GPHN: variants seen among roughly 807,000 people sequenced by gnomAD.
GPHN encodes the protein gephyrin.
GPHN carries 17 observed loss-of-function variants against 95.5 expected under a neutral mutation model. The observed-to-expected ratio is 0.18, with a 90% CI of 0.12 to 0.27. The LOEUF (loss-of-function observed/expected upper bound fraction) is 0.27. GPHN is among the 10% of genes least tolerant of loss of function. The probability of loss-of-function intolerance (pLI) is 1.00; values close to 1 mark genes in which losing one functional copy is unlikely to be tolerated. For missense variants in GPHN, 660 were observed against 978.1 expected (o/e 0.67, Z 4.34); for synonymous variants, 320 against 322.5 (o/e 0.99, Z 0.08).
intron 8 of GPHN, among the ~76,000 whole-genome samples, chr14:66,960,290 TTTC>T (rs2068806184): frequency 2.6e-5 from 4 of 151,478 alleles, no homozygotes; most frequent in African/African-American, 9.7e-5. Flanking sequence ...TCTTTTTTTT[TTTC>T]CCTGTGTACA....
chr14:67,087,878 T>C (rs1246481286), intron 11 of GPHN, among the ~76,000 whole-genome samples: 4 of 152,212 alleles, frequency 2.6e-5, no homozygotes, highest in African/African-American at 7.2e-5. Context: ...TTCCTCTTTT[T>C]TTAACCTCAT....
chr14:67,393,096 G>T, the GPHN span: 1 of 1,317,444 alleles, frequency 7.6e-7, no homozygotes, highest in Non-Finnish European at 1.1e-6. Flanking sequence ...GCTGAGCCCT[G>T]CATCACCATG....
chr14:67,720,226 T>C, the GPHN span, among the ~76,000 whole-genome samples: 1 of 152,258 alleles, frequency 6.6e-6, no homozygotes, highest in Non-Finnish European at 1.5e-5. Flanking sequence ...GCTATTTCAA[T>C]TGGGTTGTTA....
chr14:67,523,665 T>C, the GPHN span, among the ~76,000 whole-genome samples: 29 of 152,246 alleles, frequency 1.9e-4, no homozygotes, highest in African/African-American at 7.0e-4. Flanking sequence ...GTCTTATTTG[T>C]AGGTTAAACT....
chr14:67,297,090 A>G, the GPHN span, among the ~76,000 whole-genome samples: 1 of 152,250 alleles, frequency 6.6e-6, no homozygotes, highest in Non-Finnish European at 1.5e-5. Flanking sequence ...ATGTGTGACA[A>G]AGCACTTTGG....
At chr14:67,042,890 G>A (rs1342830552) in intron 10 of GPHN, among the ~76,000 whole-genome samples, 1 of 152,076 alleles carries the variant, frequency 6.6e-6, no homozygotes, top group Admixed American at 6.6e-5. Context: ...ATATGTTTGT[G>A]TCCTCTTTTA....
the GPHN span, among the ~76,000 whole-genome samples, chr14:67,502,492 G>A: frequency 1.9e-4 from 24 of 125,386 alleles, no homozygotes; most frequent in African/African-American, 7.0e-4. Context: ...TTGCTTTGTT[G>A]TCCAGGCTAG....
At chr14:66,702,541 C>A (rs987223414) in intron 2 of GPHN, among the ~76,000 whole-genome samples, 2 of 152,146 alleles carry the variant, frequency 1.3e-5, no homozygotes, top group African/African-American at 4.8e-5. Context: ...CAGCAAACCA[C>A]AGCAGCCATA....
the GPHN span, chr14:67,722,553 A>G: frequency 9.2e-7 from 1 of 1,085,784 alleles, no homozygotes; most frequent in Admixed American, 1.7e-5. Context: ...GAAGCAGCCA[A>G]GAGCTGGAGC....
chr14:67,195,686 T>G, the GPHN span, among the ~76,000 whole-genome samples: 1 of 151,546 alleles, frequency 6.6e-6, no homozygotes, highest in East Asian at 1.9e-4. Flanking sequence ...ATGCTGCTAA[T>G]TATAGAACTT....
chr14:67,596,376 G>A, the GPHN span, among the ~76,000 whole-genome samples: 1 of 137,572 alleles, frequency 7.3e-6, no homozygotes, highest in African/African-American at 2.7e-5. Context: ...CCTGACCTCA[G>A]GCAATCCACC....
At chr14:67,184,988 A>G (rs2083361505), downstream of GPHN, among the ~76,000 whole-genome samples, 1 of 152,224 alleles carries the variant, frequency 6.6e-6, no homozygotes, top group Non-Finnish European at 1.5e-5. Flanking sequence ...AATGCAAAAG[A>G]AATACCAAGA....
the GPHN span, among the ~76,000 whole-genome samples, chr14:67,238,729 G>A: frequency 2.0e-5 from 3 of 151,502 alleles, no homozygotes; most frequent in Non-Finnish European, 4.4e-5. Context: ...CTGCAGCATC[G>A]ACCTCCCAGG....
At chr14:67,239,545 T>G in the GPHN span, among the ~76,000 whole-genome samples, 7 of 152,132 alleles carry the variant, frequency 4.6e-5, no homozygotes, top group African/African-American at 1.4e-4. Context: ...CTTGAATTAT[T>G]ATTTATGTTA....
chr14:67,186,526 G>A (rs1174189674), downstream of GPHN, among the ~76,000 whole-genome samples: 1 of 152,198 alleles, frequency 6.6e-6, no homozygotes, highest in Non-Finnish European at 1.5e-5. Flanking sequence ...GGAGTTGGGA[G>A]GGATAGGTTA....
At chr14:67,291,284 A>C in the GPHN span, among the ~76,000 whole-genome samples, 1 of 151,050 alleles carries the variant, frequency 6.6e-6, no homozygotes, top group Non-Finnish European at 1.5e-5. Flanking sequence ...GCTAGAATGC[A>C]ATGGTGTGAT....
At chr14:67,610,625 T>C in the GPHN span, among the ~76,000 whole-genome samples, 1 of 152,200 alleles carries the variant, frequency 6.6e-6, no homozygotes, top group African/African-American at 2.4e-5. Flanking sequence ...AGACCTGGTC[T>C]TGGAGATCCT....
intron 10 of GPHN, among the ~76,000 whole-genome samples, chr14:67,027,457 A>C (rs2073985222): frequency 1.3e-5 from 2 of 152,026 alleles, no homozygotes; most frequent in Non-Finnish European, 2.9e-5. Context: ...CAGCCTCCTG[A>C]GTAGCTGGGA....
chr14:67,711,607 A>G, the GPHN span, among the ~76,000 whole-genome samples: 1 of 152,344 alleles, frequency 6.6e-6, no homozygotes, highest in Non-Finnish European at 1.5e-5. Flanking sequence ...ATGCATTGAC[A>G]TATTAGTCAT....
Sources: allele counts gnomAD v4.1 joint callset (sites outside exome capture counted in the v4.1 genomes callset), GRCh38; gene constraint gnomAD v4.1.1; transcripts MANE v1.5; gene names NCBI Gene and HGNC (gene_info 2026-07-23, HGNC 2026-07-21).